Variants in GPC5 observed in about 807,000 individuals in gnomAD.
GPC5 encodes the protein glypican-5.
In GPC5, 47 loss-of-function variants were observed where a neutral mutation model predicts 53.9. The ratio of observed to expected loss-of-function variants is 0.87; its 90% CI spans 0.69 to 1.11. The LOEUF is 1.11. Among genes scored for constraint, GPC5 ranks in the 50% most tolerant of loss-of-function variants. The pLI is 0.00. For synonymous variants in GPC5, 286 were observed against 263.3 expected, an observed-to-expected ratio of 1.09 and a Z score of -0.84; for missense variants, 748 against 713.1, an observed-to-expected ratio of 1.05 and a Z score of -0.56.
intron 7 of GPC5, among the ~76,000 whole-genome samples, chr13:92,785,973 A>ATAGTT (rs1385953010): frequency 4.6e-5 from 7 of 152,210 alleles, no homozygotes; most frequent in African/African-American, 1.7e-4. Flanking sequence ...TGTTGTTATT[A>ATAGTT]TAGTTTGTAC....
At chr13:92,358,989 G>T (rs2043545056) in intron 7 of GPC5, among the ~76,000 whole-genome samples, 1 of 151,684 alleles carries the variant, frequency 6.6e-6, no homozygotes, top group Non-Finnish European at 1.5e-5. Context: ...TTCTTCCCCT[G>T]AATGTGGGTT....
At chr13:92,466,331 G>T (rs1015094390) in intron 7 of GPC5, among the ~76,000 whole-genome samples, 1 of 151,962 alleles carries the variant, frequency 6.6e-6, no homozygotes, top group Non-Finnish European at 1.5e-5. Context: ...AATAAGCATA[G>T]AATGATAACA....
At position 91,542,174 on chromosome 13, in the gene GPC5, C is replaced by T. The variant is rs182510356; in HGVS notation, c.325+93252C>T. Reference sequence around the variant, plus strand: ...TTCTTGCATGAAATTGGGTTTTATTCTCCTTTTTAAATGTATTTTTTGTTC... The same window carrying T: ...TTCTTGCATGAAATTGGGTTTTATTTTCCTTTTTAAATGTATTTTTTGTTC... On this transcript the variant is annotated intron_variant, in intron 2 of 7. Coordinates refer to ENST00000377067, the MANE Select transcript of GPC5 (RefSeq NM_004466.6). Among the ~76,000 whole-genome samples, 31 of 152,050 alleles carry T rather than the reference C, an allele frequency of 2.0e-4. No individual in the cohort carries two copies. The East Asian group carries it at 3.1e-3, about 15-fold the overall frequency.
intron 7 of GPC5, among the ~76,000 whole-genome samples, chr13:92,638,146 G>A (rs543252744): frequency 2.6e-5 from 4 of 152,130 alleles, no homozygotes; most frequent in African/African-American, 4.8e-5. Context: ...TAGGGGAGAG[G>A]AAAGTTTTCA....
chr13:92,534,376 C>T (rs1211738593), intron 7 of GPC5, among the ~76,000 whole-genome samples: 1 of 152,170 alleles, frequency 6.6e-6, no homozygotes, highest in Non-Finnish European at 1.5e-5. Context: ...GAAGAATATA[C>T]TTCTGCACCA....
At chr13:91,558,726 G>A (rs1042451861) in intron 2 of GPC5, among the ~76,000 whole-genome samples, 2 of 152,018 alleles carry the variant, frequency 1.3e-5, no homozygotes, top group Non-Finnish European at 2.9e-5. Flanking sequence ...GCCGTCCTCA[G>A]TGTGTTCTGC....
intron 7 of GPC5, among the ~76,000 whole-genome samples, chr13:92,828,097 T>C (rs1877914266): frequency 6.6e-6 from 1 of 152,080 alleles, no homozygotes; most frequent in Non-Finnish European, 1.5e-5. Context: ...TGTCCAGTCA[T>C]CCAGACCAAA....
At chr13:91,502,162 T>C (rs370577806) in intron 2 of GPC5, among the ~76,000 whole-genome samples, 65 of 152,158 alleles carry the variant, frequency 4.3e-4, no homozygotes, top group African/African-American at 1.5e-3. Flanking sequence ...GTCAGATGAG[T>C]AGATTGCAAA....
chr13:91,647,589 T>C (rs563638327), intron 2 of GPC5, among the ~76,000 whole-genome samples: 5 of 152,334 alleles, frequency 3.3e-5, no homozygotes, highest in African/African-American at 1.2e-4. Context: ...ATGCTAAGTC[T>C]GGCCTGTTCC....
chr13:92,647,205 GA>G (rs1268238938), intron 7 of GPC5, among the ~76,000 whole-genome samples: 1 of 151,996 alleles, frequency 6.6e-6, no homozygotes, highest in Non-Finnish European at 1.5e-5. Flanking sequence ...AACCTTAGGG[GA>G]TATTCCTCAG....
chr13:92,388,192 G>A (rs964831432), intron 7 of GPC5, among the ~76,000 whole-genome samples: 23 of 151,614 alleles, frequency 1.5e-4, no homozygotes, highest in African/African-American at 3.4e-4. Flanking sequence ...TTCATACTTC[G>A]TGATTTTTTC....
At chr13:92,766,035 G>T (rs1051469118) in intron 7 of GPC5, among the ~76,000 whole-genome samples, 10 of 152,054 alleles carry the variant, frequency 6.6e-5, no homozygotes, top group Admixed American at 1.3e-4. Context: ...TATTGCATAT[G>T]TTCACCTGTA....
At chr13:92,217,527 A>G (rs963613239) in intron 7 of GPC5, among the ~76,000 whole-genome samples, 1 of 152,078 alleles carries the variant, frequency 6.6e-6, no homozygotes, top group African/African-American at 2.4e-5. Context: ...GTAACTTTCT[A>G]TCTGCTGATA....
chr13:92,365,714 A>G (rs2043602459), intron 7 of GPC5, among the ~76,000 whole-genome samples: 1 of 150,154 alleles, frequency 6.7e-6, no homozygotes, highest in African/African-American at 2.5e-5. Flanking sequence ...AGACGAACAC[A>G]TTAGCCTAAG....
intron 7 of GPC5, among the ~76,000 whole-genome samples, chr13:92,846,018 A>G (rs1422517178): frequency 6.6e-6 from 1 of 152,142 alleles, no homozygotes. Context: ...GTCCGTTCTC[A>G]CACTGCTATA....
intron 6 of GPC5, among the ~76,000 whole-genome samples, chr13:91,931,481 C>T (rs941257554): frequency 5.3e-5 from 8 of 151,930 alleles, no homozygotes; most frequent in African/African-American, 1.9e-4. Flanking sequence ...CACAGAAGCC[C>T]AACGTCAGAC....
chr13:91,757,730 C>T (rs981921820), intron 5 of GPC5, among the ~76,000 whole-genome samples: 1 of 152,090 alleles, frequency 6.6e-6, no homozygotes, highest in African/African-American at 2.4e-5. Context: ...TTATAAATCA[C>T]CCAGTCTTGG....
At chr13:92,664,385 T>C (rs1244188136) in intron 7 of GPC5, among the ~76,000 whole-genome samples, 1 of 150,954 alleles carries the variant, frequency 6.6e-6, no homozygotes, top group Non-Finnish European at 1.5e-5. Flanking sequence ...TTAATCAAGA[T>C]AGCAGCATTT....
intron 5 of GPC5, among the ~76,000 whole-genome samples, chr13:91,807,320 G>A (rs1854973): frequency 0.52 from 78,299 of 151,894 alleles, 20,801 homozygotes; most frequent in East Asian, 0.73. Flanking sequence ...CAAAAATTTT[G>A]TTCATATGAA....
Sources: allele counts gnomAD v4.1 joint callset (sites outside exome capture counted in the v4.1 genomes callset), GRCh38; gene constraint gnomAD v4.1.1; transcripts MANE v1.5; gene names NCBI Gene and HGNC (gene_info 2026-07-23, HGNC 2026-07-21).